The following CHLSN variants were observed in gnomAD, a reference collection of about 807,000 sequenced individuals.
The protein encoded by CHLSN is cholesin.
chr7:1,023,687 C>T, the CHLSN span, among the ~76,000 whole-genome samples: 1 of 140,350 alleles, frequency 7.1e-6, no homozygotes, highest in African/African-American at 2.6e-5. The surrounding 1 kb of genome is among the most constrained non-coding windows in gnomAD (Gnocchi z 5.0). Flanking sequence ...ACCAGCAACG[C>T]GCCCAGACCC....
At chr7:1,063,196 C>T in the CHLSN span, among the ~76,000 whole-genome samples, 13 of 152,188 alleles carry the variant, frequency 8.5e-5, no homozygotes, top group African/African-American at 2.9e-4. Context: ...CAGCTGACCC[C>T]GGCCACATCT....
At chr7:1,097,161 C>T in the CHLSN span, among the ~76,000 whole-genome samples, 31 of 152,204 alleles carry the variant, frequency 2.0e-4, no homozygotes, top group Non-Finnish European at 1.2e-4. This position sits in a 1 kb window ranked among gnomAD's most constrained non-coding sequence, Gnocchi z 4.3. Context: ...CACAGACACA[C>T]GCTCACATGT....
chr7:1,077,004 G>T, the CHLSN span, among the ~76,000 whole-genome samples: 1 of 152,264 alleles, frequency 6.6e-6, no homozygotes, highest in South Asian at 2.1e-4. Flanking sequence ...TGCTGTTGCG[G>T]GCAGAGGGCC....
the CHLSN span, among the ~76,000 whole-genome samples, chr7:1,016,629 T>C: frequency 0.63 from 52,301 of 82,644 alleles, 15,232 homozygotes; most frequent in African/African-American, 0.75. Flanking sequence ...CAGAGCACAG[T>C]AGCGCACGCC....
the CHLSN span, among the ~76,000 whole-genome samples, chr7:1,063,536 C>T: frequency 5.9e-5 from 9 of 152,340 alleles, no homozygotes; most frequent in Admixed American, 3.9e-4. Context: ...CGTTCGTGCA[C>T]GAAGCGGCGC....
At chr7:1,072,196 T>C in the CHLSN span, among the ~76,000 whole-genome samples, 1 of 152,206 alleles carries the variant, frequency 6.6e-6, no homozygotes, top group African/African-American at 2.4e-5. Context: ...GCCGTAAGCA[T>C]CCTGGCTGCC....
At chr7:1,044,104 G>A in the CHLSN span, among the ~76,000 whole-genome samples, 1 of 152,222 alleles carries the variant, frequency 6.6e-6, no homozygotes, top group African/African-American at 2.4e-5. Flanking sequence ...GAAGTAATTG[G>A]TGACTTTGGA....
At chr7:1,103,429 C>CA in the CHLSN span, among the ~76,000 whole-genome samples, 7 of 152,214 alleles carry the variant, frequency 4.6e-5, no homozygotes, top group African/African-American at 1.7e-4. Context: ...AATGACCTTA[C>CA]ACCCCACAAA....
chr7:1,135,211 A>G, the CHLSN span, among the ~76,000 whole-genome samples: 1 of 152,114 alleles, frequency 6.6e-6, no homozygotes, highest in Non-Finnish European at 1.5e-5. Context: ...TCGTGATCCC[A>G]TTCAGTCATG....
chr7:1,079,763 C>A, the CHLSN span, among the ~76,000 whole-genome samples: 1 of 152,326 alleles, frequency 6.6e-6, no homozygotes, highest in Admixed American at 6.5e-5. Flanking sequence ...CCTGCAGGAG[C>A]CACCAGCCCT....
chr7:1,107,383 C>A, the CHLSN span, among the ~76,000 whole-genome samples: 1 of 152,208 alleles, frequency 6.6e-6, no homozygotes, highest in Non-Finnish European at 1.5e-5. Flanking sequence ...ACCCACTACA[C>A]AGAAGCCAGT....
chr7:1,006,813 T>G, the CHLSN span, among the ~76,000 whole-genome samples: 1 of 151,752 alleles, frequency 6.6e-6, no homozygotes, highest in Admixed American at 6.6e-5. Context: ...ACGGCCACAA[T>G]CCCCCATCCC....
At chr7:1,010,849 C>T in the CHLSN span, among the ~76,000 whole-genome samples, 1 of 152,164 alleles carries the variant, frequency 6.6e-6, no homozygotes, top group Non-Finnish European at 1.5e-5. Context: ...TGTCCACATG[C>T]TTCGTCTTTT....
the CHLSN span, among the ~76,000 whole-genome samples, chr7:1,002,541 CCCTGTGGGTGAGTGGAGT>C: frequency 6.1e-5 from 2 of 32,708 alleles, no homozygotes; most frequent in Non-Finnish European, 5.1e-5. Context: ...GTGAGTGGAG[CCCTGTGGGTGAGTGGAGT>C]CCTGCGGGTG....
the CHLSN span, chr7:988,947 C>T: frequency 1.6e-6 from 1 of 631,878 alleles, no homozygotes; most frequent in South Asian, 2.0e-5. Flanking sequence ...CCACCCTCAC[C>T]CCCACCCCCA....
the CHLSN span, among the ~76,000 whole-genome samples, chr7:1,034,221 A>G: frequency 2.6e-5 from 4 of 152,226 alleles, no homozygotes; most frequent in Admixed American, 2.0e-4. Flanking sequence ...CAAAACCTGT[A>G]TGGGACTTAA....
chr7:1,129,887 C>A, the CHLSN span, among the ~76,000 whole-genome samples: 3 of 152,246 alleles, frequency 2.0e-5, no homozygotes, highest in African/African-American at 7.2e-5. Context: ...TCATAATTTC[C>A]CAAAGGTGAA....
the CHLSN span, among the ~76,000 whole-genome samples, chr7:1,050,633 C>G: frequency 6.6e-6 from 1 of 152,352 alleles, no homozygotes; most frequent in South Asian, 2.1e-4. Flanking sequence ...CAGCAGCCTT[C>G]CCGGGCTTGG....
chr7:1,042,142 AC>A, the CHLSN span, among the ~76,000 whole-genome samples: 2 of 151,482 alleles, frequency 1.3e-5, no homozygotes, highest in East Asian at 3.9e-4. Context: ...CAACTAGGGC[AC>A]CCCCCACCCG....
Sources: gnomAD v4.1 joint callset for allele counts (sites outside exome capture counted in the v4.1 genomes callset) on GRCh38, gnomAD v4.1.1 for gene constraint, Gnocchi (gnomAD v3.1) non-coding constraint, MANE v1.5 for transcripts, NCBI Gene and HGNC (gene_info 2026-07-23, HGNC 2026-07-21) for gene names.